The following PDIA5 variants were observed in gnomAD, a reference collection of about 807,000 sequenced individuals.
The protein encoded by PDIA5 is protein disulfide isomerase family A member 5, also known as protein disulfide-isomerase A5.
PDIA5 carries 58 observed loss-of-function variants against 77.6 expected under a neutral mutation model. The ratio of observed to expected loss-of-function variants is 0.75; its 90% CI spans 0.61 to 0.93. PDIA5 has a LOEUF of 0.93. PDIA5 is among the 40% of genes least tolerant of loss of function. PDIA5 has a pLI of 0.00. For missense variants in PDIA5, 630 were observed against 647.7 expected (o/e 0.97, Z 0.30); for synonymous variants, 250 against 252.1 (o/e 0.99, Z 0.08).
At chr3:123,090,343 G>A (rs913938561) in intron 2 of PDIA5, among the ~76,000 whole-genome samples, 8 of 152,242 alleles carry the variant, frequency 5.3e-5, no homozygotes, top group African/African-American at 1.4e-4. Context: ...CCCTGAAAAC[G>A]TGTGGCTTGC....
intron 14 of PDIA5, among the ~76,000 whole-genome samples, chr3:123,154,749 G>C (rs1367870380): frequency 1.3e-5 from 2 of 152,178 alleles, no homozygotes; most frequent in Non-Finnish European, 2.9e-5. Context: ...AGGAGCATAT[G>C]ATGCTTGTGA....
At chr3:123,148,077 A>G (rs1935809684) in intron 13 of PDIA5, among the ~76,000 whole-genome samples, 1 of 152,218 alleles carries the variant, frequency 6.6e-6, no homozygotes, top group Non-Finnish European at 1.5e-5. Context: ...AAGTGCTTTT[A>G]GGTCAAGAGC....
intron 11 of PDIA5, among the ~76,000 whole-genome samples, chr3:123,133,090 C>G (rs1935409611): frequency 1.3e-5 from 2 of 152,182 alleles, no homozygotes; most frequent in African/African-American, 4.8e-5. Flanking sequence ...ATGGAATGTA[C>G]ATGCTTTAGG....
At chr3:123,120,022 T>C (rs1302464919) in intron 8 of PDIA5, among the ~76,000 whole-genome samples, 2 of 152,200 alleles carry the variant, frequency 1.3e-5, no homozygotes, top group African/African-American at 4.8e-5. Context: ...GTCTGTCCCA[T>C]CTACTCCTGC....
At chr3:123,125,413 A>G (rs1008048839) in intron 10 of PDIA5, among the ~76,000 whole-genome samples, 1 of 152,178 alleles carries the variant, frequency 6.6e-6, no homozygotes, top group African/African-American at 2.4e-5. Context: ...GGTGCCGGTA[A>G]GCAGTAGCAG....
At chr3:123,091,294 C>T (rs546870143) in intron 2 of PDIA5, among the ~76,000 whole-genome samples, 11 of 152,282 alleles carry the variant, frequency 7.2e-5, no homozygotes, top group East Asian at 3.9e-4. Flanking sequence ...CTAGAAAAGG[C>T]GATCTGCGGA....
intron 1 of PDIA5, among the ~76,000 whole-genome samples, chr3:123,073,224 A>G (rs1450375349): frequency 6.6e-6 from 1 of 152,212 alleles, no homozygotes; most frequent in Non-Finnish European, 1.5e-5. Flanking sequence ...GCCCAGTACC[A>G]TCATCCCTGG....
chr3:123,146,404 A>G, intron 13 of PDIA5, 145 bp downstream of exon 13: 1 of 666,148 alleles, frequency 1.5e-6, no homozygotes, highest in Non-Finnish European at 2.6e-6. Context: ...CCTCAACCCT[A>G]AAACCACCGT....
chr3:123,112,340 C>T (rs1230400310), intron 7 of PDIA5, among the ~76,000 whole-genome samples: 4 of 151,904 alleles, frequency 2.6e-5, no homozygotes, highest in Non-Finnish European at 4.4e-5. Flanking sequence ...CATAGCAAAC[C>T]AGAGTTCTGT....
intron 8 of PDIA5, among the ~76,000 whole-genome samples, chr3:123,123,467 A>G (rs553199001): frequency 1.3e-5 from 2 of 152,276 alleles, no homozygotes; most frequent in Non-Finnish European, 2.9e-5. Context: ...TGGAAGGAGG[A>G]GAGTTAGGCA....
chr3:123,067,575 T>G, intron 1 of PDIA5: 1 of 265,540 alleles, frequency 3.8e-6, no homozygotes, highest in Non-Finnish European at 7.1e-6. Flanking sequence ...CCTGCACCTG[T>G]GTGAGTGCGG....
At chr3:123,104,575 G>A (rs1372902567) in intron 5 of PDIA5, among the ~76,000 whole-genome samples, 1 of 152,254 alleles carries the variant, frequency 6.6e-6, no homozygotes, top group East Asian at 1.9e-4. Flanking sequence ...CACCTAGAGA[G>A]GTCATAGGCC....
At chr3:123,070,005 G>A (rs1576428740) in intron 1 of PDIA5, among the ~76,000 whole-genome samples, 1 of 151,246 alleles carries the variant, frequency 6.6e-6, no homozygotes, top group Non-Finnish European at 1.5e-5. Flanking sequence ...CAGGAGAATC[G>A]CTTGAACCCA....
intron 13 of PDIA5, among the ~76,000 whole-genome samples, chr3:123,146,788 A>G (rs191588549): frequency 2.0e-5 from 3 of 151,906 alleles, no homozygotes; most frequent in Admixed American, 2.0e-4. Flanking sequence ...ATATAACAAT[A>G]TAACAGAAGT....
chr3:123,105,969 C>A (rs1330373484), intron 5 of PDIA5, among the ~76,000 whole-genome samples: 2 of 152,214 alleles, frequency 1.3e-5, no homozygotes, highest in African/African-American at 4.8e-5. Flanking sequence ...CAGTGCCACT[C>A]TTCCCTGCCC....
chr3:123,139,620 G>T (rs1297049672), intron 11 of PDIA5, among the ~76,000 whole-genome samples: 3 of 152,194 alleles, frequency 2.0e-5, no homozygotes, highest in Non-Finnish European at 4.4e-5. Flanking sequence ...CGCAAAGATG[G>T]TAGTGGGGAG....
intron 12 of PDIA5, 110 bp downstream of exon 12, chr3:123,145,702 A>T: frequency 1.2e-6 from 1 of 840,418 alleles, no homozygotes; most frequent in Admixed American, 2.0e-5. Flanking sequence ...TGGTCCGTGG[A>T]GGCCAGCAGT....
chr3:123,082,578 C>T (rs551344890), intron 1 of PDIA5, among the ~76,000 whole-genome samples: 3 of 152,152 alleles, frequency 2.0e-5, no homozygotes, highest in African/African-American at 4.8e-5. Flanking sequence ...TGTACGTGTT[C>T]GCTCCTTCCT....
intron 7 of PDIA5, among the ~76,000 whole-genome samples, chr3:123,115,649 C>G (rs1480433747): frequency 6.6e-6 from 1 of 152,242 alleles, no homozygotes; most frequent in African/African-American, 2.4e-5. Context: ...ATCCCGATTC[C>G]TGGCCTGACG....
Sources: allele counts gnomAD v4.1 joint callset (sites outside exome capture counted in the v4.1 genomes callset), GRCh38; gene constraint gnomAD v4.1.1; transcripts MANE v1.5; gene names NCBI Gene and HGNC (gene_info 2026-07-23, HGNC 2026-07-21).